TESMIN: variants seen among roughly 807,000 people sequenced by gnomAD.
TESMIN encodes the protein testis expressed metallothionein like protein, also known as CXC domain containing 2.
In TESMIN, 34 loss-of-function variants were observed where a neutral mutation model predicts 47.4. The ratio of observed to expected loss-of-function variants is 0.72; its 90% CI spans 0.55 to 0.96. The LOEUF is 0.96. TESMIN is among the 40% of genes least tolerant of loss of function. The pLI is 0.00. For missense variants in TESMIN, 610 were observed against 637.2 expected (o/e 0.96, Z 0.46); for synonymous variants, 278 against 258.9 (o/e 1.07, Z -0.71).
downstream of TESMIN, among the ~76,000 whole-genome samples, chr11:68,705,748 C>A (rs1033378221): frequency 2.0e-5 from 3 of 152,126 alleles, no homozygotes; most frequent in African/African-American, 7.2e-5. Context: ...TAAGGCTGGG[C>A]GCGGTGGCTC....
intron 2 of TESMIN, among the ~76,000 whole-genome samples, chr11:68,747,786 G>T (rs954274143): frequency 4.1e-4 from 63 of 152,286 alleles, no homozygotes; most frequent in African/African-American, 1.5e-3. Flanking sequence ...AACATGAAAT[G>T]GTGGAGAGTA....
intron 6 of TESMIN, among the ~76,000 whole-genome samples, chr11:68,725,181 C>T (rs1349636042): frequency 6.6e-6 from 1 of 152,156 alleles, no homozygotes; most frequent in Admixed American, 6.6e-5. Flanking sequence ...ACCCTGAGAG[C>T]TGACGGGGCT....
At chr11:68,733,838 T>C (rs983396216) in intron 6 of TESMIN, 1 of 152,230 alleles carries the variant, frequency 6.6e-6, no homozygotes, top group South Asian at 2.1e-4. Flanking sequence ...CAGATCGTTA[T>C]AGGTATTATT....
At chr11:68,736,187 C>T in intron 6 of TESMIN, 1 of 985,158 alleles carries the variant, frequency 1.0e-6, no homozygotes, top group African/African-American at 1.7e-5. Context: ...CCAGTAGCAT[C>T]AACAATGTGT....
At chr11:68,740,851 C>A (rs749340709) in intron 5 of TESMIN, among the ~76,000 whole-genome samples, 1 of 152,168 alleles carries the variant, frequency 6.6e-6, no homozygotes, top group Non-Finnish European at 1.5e-5. Flanking sequence ...TAAACTCCTA[C>A]GCAACATCTT....
At chr11:68,746,170 T>TACACACACACACACACACACACACACAC (rs56975910) in intron 3 of TESMIN, among the ~76,000 whole-genome samples, 24 of 149,604 alleles carry the variant, frequency 1.6e-4, no homozygotes, top group African/African-American at 5.6e-4. Flanking sequence ...AAGTTATAGC[T>TACACACACACACACACACACACACACAC]ACACACACAC....
intron 6 of TESMIN, among the ~76,000 whole-genome samples, chr11:68,728,231 A>G (rs1946287512): frequency 6.6e-6 from 1 of 152,250 alleles, no homozygotes; most frequent in Admixed American, 6.5e-5. Flanking sequence ...GAGGAAATTA[A>G]AAGTGTTACT....
intron 9 of TESMIN, 49 bp downstream of exon 9, chr11:68,710,825 A>T: frequency 6.6e-7 from 1 of 1,510,880 alleles, no homozygotes; most frequent in Non-Finnish European, 9.0e-7. Flanking sequence ...TCTCCTCTCA[A>T]ATTAACCTCT....
intron 6 of TESMIN, among the ~76,000 whole-genome samples, chr11:68,719,843 G>A (rs772440415): frequency 6.6e-6 from 1 of 152,220 alleles, no homozygotes; most frequent in Non-Finnish European, 1.5e-5. Context: ...AGAGGCTAAC[G>A]TGTCTGTCTG....
intron 7 of TESMIN, 65 bp from the exon 8 acceptor site, chr11:68,713,472 G>A: frequency 6.4e-7 from 1 of 1,566,262 alleles, no homozygotes; most frequent in Non-Finnish European, 8.7e-7. Flanking sequence ...TCAATGAAGG[G>A]CATCTCATTT....
intron 6 of TESMIN, among the ~76,000 whole-genome samples, chr11:68,725,491 G>A (rs1435763104): frequency 6.6e-6 from 1 of 152,036 alleles, no homozygotes; most frequent in African/African-American, 2.4e-5. Context: ...ACACTTTTTG[G>A]GTCATCCTGC....
intron 1 of TESMIN, 35 bp from the exon 2 acceptor site, chr11:68,750,734 G>A (rs548451336): frequency 8.7e-7 from 1 of 1,147,680 alleles, no homozygotes; most frequent in African/African-American, 1.6e-5. Context: ...GCAGCCAGAG[G>A]AGAGGACGAG....
At chr11:68,750,162 C>T in intron 2 of TESMIN, 28 bp downstream of exon 2, 3 of 1,431,954 alleles carry the variant, frequency 2.1e-6, no homozygotes, top group Non-Finnish European at 2.7e-6. Flanking sequence ...GGAGGGGGAG[C>T]TGTGCCCATT....
Position 68,708,269 on chromosome 11 carries a change from A to T in TESMIN, c.*39T>A, listed in dbSNP as rs766413639. 6 of 1,521,150 alleles carry T rather than the reference A, an allele frequency of 3.9e-6. No individual in the cohort carries two copies. In the South Asian group the frequency reaches 7.8e-5, roughly 20 times the overall value. 94.2% of individuals were successfully genotyped at this position (1,521,150 alleles called of 1,614,324 possible). ...CATCCTTTCTAAACTAGAGATTTCT[A>T]GACTAAGACAAAATCAACATGCATT... On this transcript the variant is annotated 3_prime_UTR_variant, in exon 10 of 10. Coordinates refer to ENST00000255087, the MANE Select transcript of TESMIN (RefSeq NM_004923.3).
chr11:68,716,035 G>T, intron 6 of TESMIN, 96 bp from the exon 7 acceptor site: 6 of 783,410 alleles, frequency 7.7e-6, no homozygotes, highest in Non-Finnish European at 1.3e-5. Flanking sequence ...CGGGCAGTGT[G>T]CTGCAGTCAG....
intron 6 of TESMIN, chr11:68,737,968 A>C: frequency 4.1e-6 from 4 of 985,900 alleles, no homozygotes; most frequent in South Asian, 4.7e-5. Flanking sequence ...CAAACAAACA[A>C]ACACCTCTTG....
At chr11:68,735,087 C>A (rs573224528) in intron 6 of TESMIN, among the ~76,000 whole-genome samples, 6 of 152,328 alleles carry the variant, frequency 3.9e-5, no homozygotes, top group African/African-American at 1.4e-4. Context: ...TTGCTGAATG[C>A]TGTATTAATT....
chr11:68,726,546 T>C (rs537377678), intron 6 of TESMIN, among the ~76,000 whole-genome samples: 8 of 152,284 alleles, frequency 5.3e-5, no homozygotes, highest in African/African-American at 1.4e-4. Context: ...AAACACAGAA[T>C]GAGACAGAGA....
Position 68,747,468 on chromosome 11 carries a change from T to C in TESMIN, c.472-102A>G. 3 of 1,059,038 alleles carry C rather than the reference T, an allele frequency of 2.8e-6. No individual in the cohort carries two copies. In the South Asian group the frequency reaches 4.4e-5, roughly 16 times the overall value. 65.6% of individuals were successfully genotyped at this position (1,059,038 alleles called of 1,614,324 possible). ...AAATCTCAGTGATAAGTAGAAGTTA[T>C]GGTGAAACCCTGTCTCTACTAGGCA... On this transcript the variant is annotated intron_variant, in intron 2 of 9. Transcript: ENST00000255087.
Sources: allele counts gnomAD v4.1 joint callset (sites outside exome capture counted in the v4.1 genomes callset), GRCh38; gene constraint gnomAD v4.1.1; transcripts MANE v1.5; gene names NCBI Gene and HGNC (gene_info 2026-07-23, HGNC 2026-07-21).